GATD1: variants seen among roughly 807,000 people sequenced by gnomAD.
GATD1 encodes glutamine amidotransferase-like class 1 domain-containing protein 1.
A neutral mutation model predicts 25.9 loss-of-function variants in GATD1; 23 were observed. That is an observed-to-expected ratio of 0.89 (90% confidence interval 0.64 to 1.26). The LOEUF (loss-of-function observed/expected upper bound fraction) is 1.26. Ranked by LOEUF, GATD1 falls within the 50% of genes most tolerant of loss-of-function variation. The pLI is 0.00. For synonymous variants in GATD1, 177 were observed against 134.6 expected, an observed-to-expected ratio of 1.31 and a Z score of -2.18; for missense variants, 347 against 312.5, an observed-to-expected ratio of 1.11 and a Z score of -0.83.
Position 767,391 on chromosome 11 carries a change from G to C in GATD1, c.*3506C>G. On this transcript the variant is annotated 3_prime_UTR_variant, in exon 8 of 8. Transcript: ENST00000319863. ...GCCCTGCCCTGGCAAAGAGAGAACT[G>C]TGCACAGCGGGGAGGCTCTCCAAGC... The C allele has an allele frequency of 6.5e-7, 1 of 1,533,658 alleles. No homozygotes were observed. Among genetic ancestry groups the C allele is most frequent in the Non-Finnish European group, 8.7e-7 (1 of 1,145,660 alleles).
chr11:767,703 T>A lies in GATD1; in HGVS notation c.*3194A>T, dbSNP rs908500792. On this transcript the variant is annotated 3_prime_UTR_variant, in exon 8 of 8. Coordinates refer to ENST00000319863, the MANE Select transcript of GATD1 (RefSeq NM_182612.4). ...ATTAGGTGGGGCATTTGGGAGGTCA[T>A]CCGGTCACAGGGCAGGGGCACAGCC... The A allele has an allele frequency of 5.0e-6, 5 of 993,896 alleles. No homozygotes were observed. The highest frequency in any genetic ancestry group is 5.0e-5 in the African/African-American group (3 of 59,906). The allele number at this position is 993,896 out of a possible 1,614,324, so 61.6% of individuals were successfully genotyped here.
chr11:773,625 G>A lies in GATD1; in HGVS notation c.252C>T (p.Ala84=), dbSNP rs929614185. 6.2e-7 allele frequency: 1 copy of A among 1,605,614 alleles called. No individual in the cohort carries two copies. Among genetic ancestry groups the A allele is most frequent in the African/African-American group, 1.3e-5 (1 of 74,572 alleles). ...TGGGGATCAGGAGGGCATGGTACCG[G>A]GCACCTGGGGGGAGACCACAAACCA... is the stretch of plus-strand genomic sequence containing the variant. ...SPAKLESIDG[A]RYHALLIPSC... The change falls in exon 4 of 8, where the codon GCC becomes GCT. Residue 84 remains alanine, a synonymous_variant. Transcript: ENST00000319863.
chr11:767,475 G>A lies in GATD1; in HGVS notation c.*3422C>T, dbSNP rs1863119424. Reference sequence around the variant, plus strand: ...GGGGCCTGCAGGCAGCTCACGCGGAGACAGGTCTGTGGGGCCCCGCGTCAG... The same window carrying A: ...GGGGCCTGCAGGCAGCTCACGCGGAAACAGGTCTGTGGGGCCCCGCGTCAG... On this transcript the variant is annotated 3_prime_UTR_variant, in exon 8 of 8. Transcript: ENST00000319863. The A allele has an allele frequency of 1.4e-6, 2 of 1,446,672 alleles. No individual in the cohort carries two copies. Among genetic ancestry groups the A allele is most frequent in the East Asian group, 2.5e-5 (1 of 40,068 alleles). The allele number at this position is 1,446,672 out of a possible 1,614,324, so 89.6% of individuals were successfully genotyped here. A position where few individuals can be genotyped will look rare whatever the true frequency, so the allele number is the denominator to read the frequency against.
rs1864138208 is a variant in GATD1, at chr11:777,470, G to C, written c.-8C>G. On this transcript the variant is annotated 5_prime_UTR_variant, in exon 1 of 8. Transcript: ENST00000319863. ...GAGCCGCTCGGACGCCATGGCTCGG[G>C]CTCGGCGCTGGGTCTGCGCGTGCGC... The C allele has an allele frequency of 8.1e-7, 1 of 1,232,462 alleles. No individual in the cohort carries two copies. Among genetic ancestry groups the C allele is most frequent in the Admixed American group, 4.4e-5 (1 of 22,736 alleles). 76.3% of individuals were successfully genotyped at this position (1,232,462 alleles called of 1,614,324 possible). A position where few individuals can be genotyped will look rare whatever the true frequency, so the allele number is the denominator to read the frequency against.
At position 767,610 on chromosome 11, in the gene GATD1, C is replaced by G; in HGVS notation, c.*3287G>C. On this transcript the variant is annotated 3_prime_UTR_variant, in exon 8 of 8. Coordinates refer to ENST00000319863, the MANE Select transcript of GATD1 (RefSeq NM_182612.4). Reference sequence around the variant, plus strand: ...ATGAGGCTCACTGGCTCTTCATGCACCCTGCTGTGGCCTGAGCACGTCCCC... The same window carrying G: ...ATGAGGCTCACTGGCTCTTCATGCAGCCTGCTGTGGCCTGAGCACGTCCCC... 7.2e-7 allele frequency: 1 copy of G among 1,384,750 alleles called. No homozygotes were observed. The highest frequency in any genetic ancestry group is 9.3e-7 in the Non-Finnish European group (1 of 1,072,148). The allele number at this position is 1,384,750 out of a possible 1,614,324, so 85.8% of individuals were successfully genotyped here.
chr11:770,482 T>C lies in GATD1; in HGVS notation c.*415A>G. On this transcript the variant is annotated 3_prime_UTR_variant, in exon 8 of 8. Transcript: ENST00000319863. ...CTCCCCTCAAGGCCCCCACCAACAG[T>C]GAAAGAGGTGGTGGGTGGCAGACAG... The C allele has an allele frequency of 7.0e-7, 1 of 1,437,096 alleles. No individual in the cohort carries two copies. Among genetic ancestry groups the C allele is most frequent in the Non-Finnish European group, 9.1e-7 (1 of 1,094,782 alleles). The allele number at this position is 1,437,096 out of a possible 1,614,324, so 89.0% of individuals were successfully genotyped here.
At chr11:773,674 A>C in intron 3 of GATD1, 45 bp from the exon 4 acceptor site, 1 of 1,449,568 alleles carries the variant, frequency 6.9e-7, no homozygotes, top group African/African-American at 1.4e-5. Context: ...TGTCAAAGTG[A>C]GACTACCTGC....
intron 2 of GATD1, 74 bp from the exon 3 acceptor site, chr11:774,187 A>C (rs1425958353): frequency 3.0e-6 from 4 of 1,342,438 alleles, no homozygotes; most frequent in East Asian, 4.7e-5. Flanking sequence ...AGCCTGAAAA[A>C]GCTGACAAGG....
At chr11:777,284 G>GCGGCCT (rs1864097753) in intron 1 of GATD1, 115 bp downstream of exon 1, 1 of 703,772 alleles carries the variant, frequency 1.4e-6, no homozygotes. Context: ...GGCGCCCCCA[G>GCGGCCT]CGGCCTCGGC....
rs182087575 is a variant in GATD1, at chr11:771,324, G to T, written c.544+9C>A. On this transcript the variant is annotated intron_variant, in intron 6 of 7. Transcript: ENST00000319863. Reference sequence around the variant, plus strand: ...TTCTGTAAGTGCAGGGGGCACCCTCGAGGCTCACCACTGAAGCAGGCGCCC... The same window carrying T: ...TTCTGTAAGTGCAGGGGGCACCCTCTAGGCTCACCACTGAAGCAGGCGCCC... The T allele has an allele frequency of 2.4e-5, 39 of 1,603,848 alleles. No homozygotes were observed. The East Asian group carries it at 4.7e-4, about 19-fold the overall frequency.
At chr11:774,691 G>A (rs745946805) in intron 2 of GATD1, among the ~76,000 whole-genome samples, 3 of 152,220 alleles carry the variant, frequency 2.0e-5, no homozygotes, top group Admixed American at 6.5e-5. Context: ...TGAGCTGGGC[G>A]TGGTGGCGCA....
At position 770,604 on chromosome 11, in the gene GATD1, G is replaced by C; in HGVS notation, c.*293C>G. ...CAACCAGTCCTCCCTAGAAAACCCA[G>C]CCTGGAATTCCCGAGGACCACCTAG... On this transcript the variant is annotated 3_prime_UTR_variant, in exon 8 of 8. Transcript: ENST00000319863. 1 of 1,410,086 alleles carries C rather than the reference G, an allele frequency of 7.1e-7. No individual in the cohort carries two copies. The highest frequency in any genetic ancestry group is 1.7e-5 in the South Asian group (1 of 60,530). 87.3% of individuals were successfully genotyped at this position (1,410,086 alleles called of 1,614,324 possible).
rs1470095380 is a variant in GATD1 at position 771,033 on chromosome 11, C to A, written c.616G>T (p.Val206Phe). 1 of 1,613,048 alleles carries A rather than the reference C, an allele frequency of 6.2e-7. No homozygotes were observed. Among genetic ancestry groups the A allele is most frequent in the East Asian group, 2.2e-5 (1 of 44,872 alleles). ...AAGAGCAGGTTCTGCACGGCCGGGA[C>A]AGTGGAGCTGGCATTCTGGCCTGTG... ...LVTGQNASST[V>F]PAVQNLLFLC... Residue 206 changes from valine to phenylalanine, a missense_variant, in exon 7 of 8, where the codon GTC becomes TTC. Physicochemically the swap from Val to Phe is conservative, Grantham distance 50 (BLOSUM62 -1). Coordinates refer to ENST00000319863, the MANE Select transcript of GATD1 (RefSeq NM_182612.4).
chr11:772,109 T>C (rs1007071309), intron 5 of GATD1, among the ~76,000 whole-genome samples: 2 of 152,166 alleles, frequency 1.3e-5, no homozygotes, highest in African/African-American at 4.8e-5. Context: ...GCAAGTCTGA[T>C]GCCCCTCCCT....
intron 5 of GATD1, among the ~76,000 whole-genome samples, chr11:772,176 CGGGAGCCTCCGACCTCACCTCTGGCTG>C (rs1863512321): frequency 9.1e-5 from 2 of 21,858 alleles, no homozygotes; most frequent in Non-Finnish European, 1.4e-4. Context: ...GCCAGAGGTT[CGGGAGCCTCCGACCTCACCTCTGGCTG>C]TGATGGGGGA....
chr11:773,209 A>G (rs927172541), intron 4 of GATD1: 1 of 352,054 alleles, frequency 2.8e-6, no homozygotes, highest in South Asian at 2.8e-5. Flanking sequence ...TTGAGCCCCA[A>G]GCCCAGCCCT....
chr11:769,988 G>A lies in GATD1; in HGVS notation c.*909C>T. 4 of 1,037,328 alleles carry A rather than the reference G, an allele frequency of 3.9e-6. No individual in the cohort carries two copies. The highest frequency in any genetic ancestry group is 4.6e-6 in the Non-Finnish European group (4 of 864,348). 64.3% of individuals were successfully genotyped at this position (1,037,328 alleles called of 1,614,324 possible). ...GCACCAGGAGCCACGCTGGTGCTTGGGAACGGCTGTGGCTGAGACGGGGAG... is the reference window on the plus strand; with the variant it reads ...GCACCAGGAGCCACGCTGGTGCTTGAGAACGGCTGTGGCTGAGACGGGGAG... On this transcript the variant is annotated 3_prime_UTR_variant, in exon 8 of 8. Coordinates refer to ENST00000319863, the MANE Select transcript of GATD1 (RefSeq NM_182612.4).
Position 770,342 on chromosome 11 carries a change from C to T in GATD1, c.*555G>A, listed in dbSNP as rs1457017458. 1.3e-6 allele frequency: 2 copies of T among 1,534,546 alleles called. No individual in the cohort carries two copies. Among genetic ancestry groups the T allele is most frequent in the South Asian group, 2.4e-5 (2 of 83,940 alleles). ...TTGAAACCACACGCCAGGAAGATTT[C>T]TTCAACAGGAAAGTGCTGCCAGTGC... On this transcript the variant is annotated 3_prime_UTR_variant, in exon 8 of 8. Coordinates refer to ENST00000319863, the MANE Select transcript of GATD1 (RefSeq NM_182612.4).
chr11:776,473 C>T (rs951771575), intron 1 of GATD1, among the ~76,000 whole-genome samples: 9 of 152,082 alleles, frequency 5.9e-5, no homozygotes, highest in Non-Finnish European at 1.3e-4. Context: ...CTCACGCCTA[C>T]CTGCTCTGGA....
Sources: gnomAD v4.1 joint callset for allele counts (sites outside exome capture counted in the v4.1 genomes callset) on GRCh38, gnomAD v4.1.1 for gene constraint, MANE v1.5 for transcripts, NCBI Gene and HGNC (gene_info 2026-07-23, HGNC 2026-07-21) for gene names.